Variants in CNTNAP2 observed in about 807,000 individuals in gnomAD.
The protein encoded by CNTNAP2 is contactin associated protein 2.
CNTNAP2 carries 98 observed loss-of-function variants against 155.2 expected under a neutral mutation model. The observed-to-expected ratio is 0.63, with a 90% CI of 0.54 to 0.75. The LOEUF is 0.75. CNTNAP2 is among the 30% of genes least tolerant of loss of function. CNTNAP2 has a pLI of 0.00. For synonymous variants in CNTNAP2, 651 were observed against 631.2 expected (o/e 1.03, Z -0.47); for missense variants, 1,727 against 1,688.1 (o/e 1.02, Z -0.40).
chr7:147,208,507 A>G (rs1159558374), intron 8 of CNTNAP2, among the ~76,000 whole-genome samples: 3 of 152,094 alleles, frequency 2.0e-5, no homozygotes, highest in Non-Finnish European at 4.4e-5. Context: ...AAGACCATGT[A>G]GAAATCACTA....
chr7:146,421,909 T>G (rs1241330106), intron 1 of CNTNAP2, among the ~76,000 whole-genome samples: 5 of 151,746 alleles, frequency 3.3e-5, no homozygotes, highest in Non-Finnish European at 7.4e-5. Flanking sequence ...TTTTTACACA[T>G]TGGACTTTTC....
chr7:148,131,642 A>T (rs983553770), intron 16 of CNTNAP2, among the ~76,000 whole-genome samples: 1 of 152,216 alleles, frequency 6.6e-6, no homozygotes, highest in African/African-American at 2.4e-5. Flanking sequence ...AAAAGCAGAA[A>T]TATATATGAA....
At chr7:147,339,086 T>C (rs1055373173) in intron 9 of CNTNAP2, among the ~76,000 whole-genome samples, 1 of 152,180 alleles carries the variant, frequency 6.6e-6, no homozygotes, top group Admixed American at 6.6e-5. Context: ...TTGAAATGTC[T>C]ACTTTGACAA....
intron 14 of CNTNAP2, among the ~76,000 whole-genome samples, chr7:147,960,766 G>C (rs1309417046): frequency 6.6e-6 from 1 of 151,984 alleles, no homozygotes; most frequent in Non-Finnish European, 1.5e-5. Context: ...CAAAGATGCT[G>C]TATCTAATTA....
intron 3 of CNTNAP2, among the ~76,000 whole-genome samples, chr7:146,851,045 C>T (rs555420100): frequency 3.3e-5 from 5 of 151,762 alleles, no homozygotes; most frequent in Admixed American, 2.0e-4. Flanking sequence ...AGTGCAGTTT[C>T]CCAATCTCTG....
intron 15 of CNTNAP2, among the ~76,000 whole-genome samples, chr7:148,106,575 G>A (rs1329665803): frequency 6.7e-6 from 1 of 148,946 alleles, no homozygotes; most frequent in African/African-American, 2.5e-5. Context: ...CGCCCAGGCT[G>A]GTCTCAAACT....
intron 1 of CNTNAP2, among the ~76,000 whole-genome samples, chr7:146,702,561 T>A (rs1278941457): frequency 6.6e-6 from 1 of 152,138 alleles, no homozygotes; most frequent in Non-Finnish European, 1.5e-5. Context: ...CAGTGAGGAC[T>A]AGAAATGTGG....
chr7:146,496,331 C>T (rs1037017298), intron 1 of CNTNAP2, among the ~76,000 whole-genome samples: 7 of 152,142 alleles, frequency 4.6e-5, no homozygotes, highest in Non-Finnish European at 7.3e-5. Context: ...AAGAAGCCCT[C>T]CATTTACTTC....
chr7:147,801,309 G>GT (rs57750335), intron 13 of CNTNAP2, among the ~76,000 whole-genome samples: 110,218 of 130,240 alleles, frequency 0.85, 48,422 homozygotes, highest in Non-Finnish European at 0.97. Flanking sequence ...CTTCTATGAA[G>GT]TTTTTTTTTT....
At chr7:146,245,836 G>A (rs1453656792) in intron 1 of CNTNAP2, among the ~76,000 whole-genome samples, 4 of 150,494 alleles carry the variant, frequency 2.7e-5, no homozygotes, top group Non-Finnish European at 5.9e-5. Flanking sequence ...CTGGGATGAC[G>A]GGTGCAAAGG....
intron 3 of CNTNAP2, among the ~76,000 whole-genome samples, chr7:147,036,166 A>G (rs1416310251): frequency 6.6e-6 from 1 of 152,174 alleles, no homozygotes; most frequent in Non-Finnish European, 1.5e-5. Flanking sequence ...TTTACATTTC[A>G]CAAGTGTATT....
At chr7:147,889,704 G>A (rs1296923178) in intron 13 of CNTNAP2, among the ~76,000 whole-genome samples, 1 of 152,098 alleles carries the variant, frequency 6.6e-6, no homozygotes, top group Non-Finnish European at 1.5e-5. Flanking sequence ...AACTTTCTGA[G>A]GTGATCAAAA....
chr7:148,317,716 T>G (rs553866158), intron 21 of CNTNAP2, among the ~76,000 whole-genome samples: 2 of 152,172 alleles, frequency 1.3e-5, no homozygotes, highest in East Asian at 3.9e-4. Flanking sequence ...TCTTTTTTTT[T>G]TTTAGACGGA....
At chr7:147,318,752 A>C (rs1262534560) in intron 9 of CNTNAP2, among the ~76,000 whole-genome samples, 1 of 152,184 alleles carries the variant, frequency 6.6e-6, no homozygotes, top group Non-Finnish European at 1.5e-5. Context: ...TGATTGGTGC[A>C]GCAAACCACC....
chr7:147,803,962 C>T (rs912514799), intron 13 of CNTNAP2, among the ~76,000 whole-genome samples: 4 of 152,164 alleles, frequency 2.6e-5, no homozygotes, highest in East Asian at 1.9e-4. Context: ...AGAAAGAATA[C>T]GAATGTAAGT....
intron 18 of CNTNAP2, among the ~76,000 whole-genome samples, chr7:148,205,272 A>G (rs1585186116): frequency 6.6e-6 from 1 of 152,358 alleles, no homozygotes; most frequent in East Asian, 1.9e-4. Flanking sequence ...GGGTGGAAAC[A>G]CCCTGGTGTG....
chr7:147,683,926 C>A (rs1443080722), intron 13 of CNTNAP2, among the ~76,000 whole-genome samples: 1 of 151,412 alleles, frequency 6.6e-6, no homozygotes, highest in Non-Finnish European at 1.5e-5. Flanking sequence ...ATTGTAAAGG[C>A]ACACAAGTGA....
In CNTNAP2 at chr7:147,485,944, C is replaced by T. The variant is rs1219221834; in HGVS notation, c.1680C>T (p.Pro560=). ...DMCAIIDRCV[P]NHCEHGGKCS... is the part of the protein sequence containing the mutation. ...TCTCTCTCTCTGACAGATGTGTGCC[C>T]AATCACTGTGAGCATGGTGGAAAGT... is the stretch of plus-strand genomic sequence containing the variant. Residue 560 remains proline (P), a synonymous_variant, in exon 11 of 24, where the codon CCC becomes CCT. Coordinates refer to ENST00000361727, the MANE Select transcript of CNTNAP2 (RefSeq NM_014141.6). 6.2e-7 allele frequency: 1 copy of T among 1,614,002 alleles called. No individual in the cohort carries two copies. The highest frequency in any genetic ancestry group is 8.5e-7 in the Non-Finnish European group (1 of 1,179,932).
At chr7:147,742,620 A>G (rs1262116136) in intron 13 of CNTNAP2, among the ~76,000 whole-genome samples, 1 of 152,214 alleles carries the variant, frequency 6.6e-6, no homozygotes, top group East Asian at 1.9e-4. Context: ...GCCAAGAATC[A>G]GGCTTTGAAT....
Sources: gnomAD v4.1 joint callset for allele counts (sites outside exome capture counted in the v4.1 genomes callset) on GRCh38, gnomAD v4.1.1 for gene constraint, MANE v1.5 for transcripts, NCBI Gene and HGNC (gene_info 2026-07-23, HGNC 2026-07-21) for gene names.